The following CENPF variants were observed in gnomAD, a reference collection of about 807,000 sequenced individuals.
CENPF encodes the protein centromere protein F.
CENPF carries 214 observed loss-of-function variants against 307.3 expected under a neutral mutation model. The ratio of observed to expected loss-of-function variants is 0.70; its 90% CI spans 0.62 to 0.78. CENPF has a LOEUF of 0.78. CENPF is among the 30% of genes least tolerant of loss of function. The pLI, the probability that CENPF is intolerant of heterozygous loss-of-function variation, is 0.00. For synonymous variants in CENPF, 1,259 were observed against 1,270.6 expected, an observed-to-expected ratio of 0.99 and a Z score of 0.19; for missense variants, 3,401 against 3,483.9, an observed-to-expected ratio of 0.98 and a Z score of 0.60.
intron 18 of CENPF, among the ~76,000 whole-genome samples, chr1:214,658,003 C>G (rs1658687055): frequency 6.6e-6 from 1 of 152,068 alleles, no homozygotes; most frequent in East Asian, 1.9e-4. Flanking sequence ...TTGATTTGTT[C>G]TCATTATATT....
rs745845238 is a variant in CENPF at position 214,646,147 on chromosome 1, G to A, written c.6577G>A (p.Glu2193Lys). 49 of 1,613,956 alleles carry A rather than the reference G, an allele frequency of 3.0e-5. No homozygotes were observed. In the East Asian group the frequency reaches 1.0e-3, roughly 34 times the overall value. The stretch of plus-strand genomic sequence containing the variant: ...AGAGACTCTAAAAACACAAATAGAA[G>A]AGATGGCCAGAAGCCTGAAAGTTTT... Reference protein sequence around the residue: ...EVETLKTQIEEMARSLKVFEL... With the variant: ...EVETLKTQIEKMARSLKVFEL... The change falls in exon 13 of 20, where the codon GAG becomes AAG. Residue 2193 changes from glutamate (E) to lysine (K), a missense_variant. Glu to Lys is a moderately conservative substitution (Grantham distance 56, BLOSUM62 1). Transcript: ENST00000366955.
rs1043188922 is a variant in CENPF at position 214,645,438 on chromosome 1, C to G, written c.5868C>G (p.Val1956=). ...GCCTTGAAGAAGAACTCTCAGTGGT[C>G]ACAAGTGAGAGAAACCAGCTTCGTG... ...IVCLEEELSV[V]TSERNQLRGE... Residue 1956 remains valine (V), a synonymous_variant, in exon 13 of 20, where the codon GTC becomes GTG. Transcript: ENST00000366955. The G allele has an allele frequency of 6.2e-7, 1 of 1,613,682 alleles. No homozygotes were observed. Among genetic ancestry groups the G allele is most frequent in the Non-Finnish European group, 8.5e-7 (1 of 1,179,906 alleles).
chr1:214,633,485 A>T (rs771496953), intron 10 of CENPF, among the ~76,000 whole-genome samples: 1 of 152,252 alleles, frequency 6.6e-6, no homozygotes, highest in Non-Finnish European at 1.5e-5. Flanking sequence ...ACAGGAAAGA[A>T]TGTTTTTCTG....
In CENPF at chr1:214,658,926, C is replaced by A; in HGVS notation, c.9039C>A (p.Pro3013=). The A allele has an allele frequency of 6.2e-7, 1 of 1,614,082 alleles. No homozygotes were observed. Among genetic ancestry groups the A allele is most frequent in the Non-Finnish European group, 8.5e-7 (1 of 1,179,990 alleles). ...RRTTMATRTS[P]RLAAQKLALS... is the part of the protein sequence containing the mutation. ...CAACCATGGCAACTCGGACCAGCCC[C>A]CGCCTGGCTGCACAGAAGTTAGCGC... The change falls in exon 19 of 20, where the codon CCC becomes CCA. Residue 3013 remains proline (P), a synonymous_variant. Coordinates refer to ENST00000366955, the MANE Select transcript of CENPF (RefSeq NM_016343.4).
Position 214,608,851 on chromosome 1 carries a change from G to A in CENPF, c.-41-4863G>A, listed in dbSNP as rs1472523898. 66 of 1,548,312 alleles carry A rather than the reference G, an allele frequency of 4.3e-5. No individual in the cohort carries two copies. In the Admixed American group the frequency reaches 1.2e-3, roughly 29 times the overall value. On this transcript the variant is annotated intron_variant, in intron 1 of 19. Transcript: ENST00000366955. Reference sequence around the variant, plus strand: ...CGACAGCCCGTTCATGGCGGGCGCCGCCCGGGCCAGGCCCCCACCGGGGCC... The same window carrying A: ...CGACAGCCCGTTCATGGCGGGCGCCACCCGGGCCAGGCCCCCACCGGGGCC...
At chr1:214,651,960 CA>C (rs887311328) in intron 15 of CENPF, 74 bp downstream of exon 15, 71 of 1,171,800 alleles carry the variant, frequency 6.1e-5, no homozygotes, top group African/African-American at 1.8e-4. Context: ...TTTTTTTTTC[CA>C]AAAAAAATCA....
rs1341735420 is a variant in CENPF at position 214,613,780 on chromosome 1, A to G, written c.26A>G (p.Lys9Arg). 1 of 1,607,970 alleles carries G rather than the reference A, an allele frequency of 6.2e-7. No homozygotes were observed. Among genetic ancestry groups the G allele is most frequent in the South Asian group, 1.1e-5 (1 of 89,730 alleles). Residue 9 changes from lysine to arginine, a missense_variant, in exon 2 of 20, where the codon AAA (lysine) becomes AGA (arginine). Transcript: ENST00000366955. MSWALEEWKEGLPTRALQK... is the reference protein window; with the variant it reads MSWALEEWREGLPTRALQK... ...ATGAGCTGGGCTTTGGAAGAATGGA[A>G]AGAAGGGCTGCCTACAAGAGCTCTT...
chr1:214,636,368 C>T (rs918971053), intron 10 of CENPF, among the ~76,000 whole-genome samples: 8 of 152,146 alleles, frequency 5.3e-5, no homozygotes, highest in African/African-American at 1.9e-4. Context: ...GAATGTTAGC[C>T]TATCAATCTT....
chr1:214,611,178 CATATCAATTTTAAA>C lies in CENPF; in HGVS notation c.-41-2532_-41-2519del, dbSNP rs1002312573. 3.3e-5 allele frequency among the ~76,000 whole-genome samples: 5 copies of C among 152,096 alleles called. 1 individual carries two copies. The highest frequency in any genetic ancestry group is 1.2e-4 in the African/African-American group (5 of 41,410). On this transcript the variant is annotated intron_variant, in intron 1 of 19. Transcript: ENST00000366955. ...GGCTATTTGGGCTTATTTTTGGTTCCATATCAATTTTAAAATAGTTTTTTCTAGTTCTGTGAACA... is the reference window on the plus strand; with the variant it reads ...GGCTATTTGGGCTTATTTTTGGTTCCATAGTTTTTTCTAGTTCTGTGAACA...
chr1:214,660,988 AATC>A (rs1309591194), intron 19 of CENPF, among the ~76,000 whole-genome samples: 1 of 152,208 alleles, frequency 6.6e-6, no homozygotes, highest in Non-Finnish European at 1.5e-5. Context: ...GGTCTTATGA[AATC>A]ATCACAAGTC....
At chr1:214,605,393 G>A (rs562115327) in intron 1 of CENPF, 2 of 407,312 alleles carry the variant, frequency 4.9e-6, no homozygotes, top group Admixed American at 8.3e-5. Flanking sequence ...TAAATAACTT[G>A]CCCAAGGTCA....
Position 214,664,423 on chromosome 1 carries a change from A to G in CENPF, c.*629A>G, listed in dbSNP as rs915440319. 1 of 152,224 alleles carries G rather than the reference A, an allele frequency of 6.6e-6. No homozygotes were observed. Among genetic ancestry groups the G allele is most frequent in the Non-Finnish European group, 1.5e-5 (1 of 68,112 alleles). 9.4% of individuals were successfully genotyped at this position (152,224 alleles called of 1,614,324 possible). On this transcript the variant is annotated 3_prime_UTR_variant, in exon 20 of 20. Transcript: ENST00000366955. ...CCAGTGAGGGCTGCAGGCTTCCTAGAGGTGTGCTATACCATGCGTCTGTCG... is the reference window on the plus strand; with the variant it reads ...CCAGTGAGGGCTGCAGGCTTCCTAGGGGTGTGCTATACCATGCGTCTGTCG...
chr1:214,618,558 G>A lies in CENPF; in HGVS notation c.360-15G>A, dbSNP rs369683109. 4 of 1,612,614 alleles carry A rather than the reference G, an allele frequency of 2.5e-6. No individual in the cohort carries two copies. Among genetic ancestry groups the A allele is most frequent in the Admixed American group, 1.7e-5 (1 of 59,696 alleles). The stretch of plus-strand genomic sequence containing the variant: ...TCTAACTGATTTGTCTGCCTCTTGG[G>A]TCCTTTTCTAACAGGTGTAAATCTG... On this transcript the variant is annotated splice_polypyrimidine_tract_variant and intron_variant, in intron 3 of 19. Transcript: ENST00000366955.
At chr1:214,617,965 G>A (rs1429434682) in intron 3 of CENPF, among the ~76,000 whole-genome samples, 3 of 152,202 alleles carry the variant, frequency 2.0e-5, no homozygotes, top group Admixed American at 6.5e-5. Context: ...ACAAAGGAAA[G>A]AGGTTTAATT....
chr1:214,604,040 G>T (rs906398993), intron 1 of CENPF, among the ~76,000 whole-genome samples: 3 of 152,058 alleles, frequency 2.0e-5, no homozygotes, highest in Non-Finnish European at 4.4e-5. Flanking sequence ...AAAAGGCATG[G>T]GTCGTGTCCT....
chr1:214,603,910 G>T (rs1476368248), intron 1 of CENPF, among the ~76,000 whole-genome samples: 1 of 151,644 alleles, frequency 6.6e-6, no homozygotes, highest in Admixed American at 6.6e-5. Context: ...GGATCCTCCC[G>T]CCTTGGCCTC....
At position 214,651,796 on chromosome 1, in the gene CENPF, G is replaced by C; in HGVS notation, c.8070G>C (p.Gly2690=). The C allele has an allele frequency of 6.2e-7, 1 of 1,613,676 alleles. No individual in the cohort carries two copies. Among genetic ancestry groups the C allele is most frequent in the East Asian group, 2.2e-5 (1 of 44,846 alleles). Residue 2690 remains glycine, a synonymous_variant, in exon 15 of 20, where the codon GGG becomes GGC. Coordinates refer to ENST00000366955, the MANE Select transcript of CENPF (RefSeq NM_016343.4). Reference sequence around the variant, plus strand: ...ACAAAGACCAGGTGGAAAAGGAAGGGAAAGTGAGAGAGGAAATAGCTGAAT... The same window carrying C: ...ACAAAGACCAGGTGGAAAAGGAAGGCAAAGTGAGAGAGGAAATAGCTGAAT... ...CMHKDQVEKE[G]KVREEIAEYQ...
chr1:214,608,283 C>A lies in CENPF; in HGVS notation c.-42+4962C>A, dbSNP rs373999452. The stretch of plus-strand genomic sequence containing the variant: ...GGCCTGGTCCCCTCTTGGGTGTGCC[C>A]AGGCTGAGCTGCCCCCAGGGTTGCC... On this transcript the variant is annotated intron_variant, in intron 1 of 19. Transcript: ENST00000366955. 521 of 1,555,938 alleles carry A rather than the reference C, an allele frequency of 3.3e-4. 3 individuals are homozygous for A. In the African/African-American group the frequency reaches 6.1e-3, roughly 18 times the overall value.
Position 214,645,527 on chromosome 1 carries a change from A to C in CENPF, c.5957A>C (p.Glu1986Ala). 3.1e-6 allele frequency: 5 copies of C among 1,614,142 alleles called. No homozygotes were observed. The highest frequency in any genetic ancestry group is 4.2e-6 in the Non-Finnish European group (5 of 1,180,014). ...GATCAGTTGTCTGAAAAAATGAAGGAGAAAACACAAGAGCTTGAGTCTCAT... is the reference window on the plus strand; with the variant it reads ...GATCAGTTGTCTGAAAAAATGAAGGCGAAAACACAAGAGCTTGAGTCTCAT... ...ALDQLSEKMK[E>A]KTQELESHQS... Residue 1986 changes from glutamate to alanine, a missense_variant, in exon 13 of 20, where the codon GAG becomes GCG. Transcript: ENST00000366955.
Sources: allele counts gnomAD v4.1 joint callset (sites outside exome capture counted in the v4.1 genomes callset), GRCh38; gene constraint gnomAD v4.1.1; transcripts MANE v1.5; gene names NCBI Gene and HGNC (gene_info 2026-07-23, HGNC 2026-07-21).